LRRC7: variants seen among roughly 807,000 people sequenced by gnomAD.
The protein encoded by LRRC7 is leucine rich repeat containing 7.
In LRRC7, 23 loss-of-function variants were observed where a neutral mutation model predicts 175.7. That is an observed-to-expected ratio of 0.13 (90% CI 0.09 to 0.19). The LOEUF is 0.19. Ranked by LOEUF, LRRC7 falls within the 10% of genes least tolerant of loss-of-function variation. The pLI is 1.00. For synonymous variants in LRRC7, 685 were observed against 680.9 expected, an observed-to-expected ratio of 1.01 and a Z score of -0.09; for missense variants, 1,354 against 1,904.7, an observed-to-expected ratio of 0.71 and a Z score of 5.38.
chr1:70,111,023 G>A (rs1665492076), intron 26 of LRRC7, among the ~76,000 whole-genome samples: 1 of 152,048 alleles, frequency 6.6e-6, no homozygotes, highest in African/African-American at 2.4e-5. Flanking sequence ...AAGCTTAATG[G>A]CAATGTTCAA....
intron 1 of LRRC7, among the ~76,000 whole-genome samples, chr1:69,651,461 A>T (rs533448788): frequency 6.6e-6 from 1 of 152,334 alleles, no homozygotes; most frequent in Non-Finnish European, 1.5e-5. Flanking sequence ...AGTTATTTTT[A>T]AAAGCACTGG....
intron 2 of LRRC7, among the ~76,000 whole-genome samples, chr1:69,689,236 G>A (rs541601882): frequency 1.3e-5 from 2 of 152,248 alleles, no homozygotes; most frequent in Non-Finnish European, 2.9e-5. Flanking sequence ...TTAAACGACT[G>A]TTAGTCAGAT....
At chr1:70,116,016 A>T (rs1465654915) in intron 26 of LRRC7, among the ~76,000 whole-genome samples, 1 of 152,240 alleles carries the variant, frequency 6.6e-6, no homozygotes, top group Non-Finnish European at 1.5e-5. Context: ...AAATCAAGGT[A>T]GGAAATTTAT....
At chr1:69,861,975 C>T (rs1235664932) in intron 7 of LRRC7, among the ~76,000 whole-genome samples, 1 of 152,128 alleles carries the variant, frequency 6.6e-6, no homozygotes, top group Non-Finnish European at 1.5e-5. Flanking sequence ...GGTCAAATTA[C>T]TTATAATTGT....
At chr1:69,789,528 T>A (rs1405276421) in intron 3 of LRRC7, among the ~76,000 whole-genome samples, 1 of 152,082 alleles carries the variant, frequency 6.6e-6, no homozygotes, top group East Asian at 1.9e-4. Context: ...TTTAATTTCT[T>A]TGCCAATTTG....
At chr1:69,663,492 TTTAG>T (rs1231713546) in intron 1 of LRRC7, among the ~76,000 whole-genome samples, 2 of 152,088 alleles carry the variant, frequency 1.3e-5, no homozygotes, top group African/African-American at 4.8e-5. Flanking sequence ...CAATTATGCT[TTTAG>T]TTATTTTTTA....
intron 7 of LRRC7, among the ~76,000 whole-genome samples, chr1:69,876,442 T>TA (rs1686050486): frequency 6.6e-6 from 1 of 152,154 alleles, no homozygotes; most frequent in Non-Finnish European, 1.5e-5. Context: ...TTCATTGGCA[T>TA]AAAAAATACT....
intron 2 of LRRC7, among the ~76,000 whole-genome samples, chr1:69,697,239 T>C (rs1364746248): frequency 6.6e-6 from 1 of 152,232 alleles, no homozygotes; most frequent in Non-Finnish European, 1.5e-5. Flanking sequence ...CATGCCTCTT[T>C]CACACAACTG....
intron 1 of LRRC7, among the ~76,000 whole-genome samples, chr1:69,630,118 C>T (rs1466516088): frequency 6.6e-6 from 1 of 152,082 alleles, no homozygotes; most frequent in Non-Finnish European, 1.5e-5. Flanking sequence ...TGCATTTATC[C>T]ATATTTTCTG....
chr1:69,888,589 C>G (rs539832308), intron 7 of LRRC7, among the ~76,000 whole-genome samples: 2 of 152,278 alleles, frequency 1.3e-5, no homozygotes, highest in Admixed American at 6.5e-5. Flanking sequence ...GCGTCGCTCA[C>G]GCTGGGAGCT....
At chr1:69,998,102 T>C (rs1235818319) in intron 11 of LRRC7, among the ~76,000 whole-genome samples, 1 of 152,178 alleles carries the variant, frequency 6.6e-6, no homozygotes, top group Non-Finnish European at 1.5e-5. Context: ...AATTTGGTAT[T>C]CTCAAGAGGG....
intron 25 of LRRC7, among the ~76,000 whole-genome samples, chr1:70,097,344 A>G (rs1435779978): frequency 6.6e-6 from 1 of 152,214 alleles, no homozygotes; most frequent in Admixed American, 6.5e-5. Flanking sequence ...ATAAAACCAT[A>G]TTAAACCTAT....
At chr1:69,714,861 T>G (rs1159249704) in intron 2 of LRRC7, among the ~76,000 whole-genome samples, 1 of 152,190 alleles carries the variant, frequency 6.6e-6, no homozygotes, top group South Asian at 2.1e-4. Flanking sequence ...TATCTCACTT[T>G]AATAATGCAT....
At chr1:69,826,585 C>T (rs1428556793) in intron 5 of LRRC7, among the ~76,000 whole-genome samples, 1 of 152,016 alleles carries the variant, frequency 6.6e-6, no homozygotes, top group Non-Finnish European at 1.5e-5. Context: ...AGGCTCCTGA[C>T]AGTTGTAATA....
chr1:70,050,340 G>A (rs1295380689), intron 22 of LRRC7, among the ~76,000 whole-genome samples: 1 of 151,950 alleles, frequency 6.6e-6, no homozygotes, highest in East Asian at 1.9e-4. Context: ...TGTTCCACAA[G>A]ACTTCTACTC....
intron 17 of LRRC7, among the ~76,000 whole-genome samples, chr1:70,025,067 C>G (rs1370296394): frequency 5.3e-5 from 8 of 152,016 alleles, no homozygotes; most frequent in Non-Finnish European, 1.2e-4. Context: ...AGCATAAGCA[C>G]TGGAGTCAAA....
chr1:70,018,124 T>C (rs1427817903), intron 14 of LRRC7, among the ~76,000 whole-genome samples: 1 of 151,948 alleles, frequency 6.6e-6, no homozygotes, highest in Non-Finnish European at 1.5e-5. Flanking sequence ...ACTATCAGAG[T>C]TCTAGAATAT....
chr1:69,724,087 C>T (rs1666660305), intron 2 of LRRC7, among the ~76,000 whole-genome samples: 1 of 152,152 alleles, frequency 6.6e-6, no homozygotes, highest in Non-Finnish European at 1.5e-5. Flanking sequence ...AAATCTAGCA[C>T]TATCTTCTAT....
At chr1:69,722,898 T>G (rs1020934433) in intron 2 of LRRC7, among the ~76,000 whole-genome samples, 1 of 152,104 alleles carries the variant, frequency 6.6e-6, no homozygotes, top group Non-Finnish European at 1.5e-5. Context: ...ATATGTACAC[T>G]CTTTGTATGT....
Sources: allele counts gnomAD v4.1 joint callset (sites outside exome capture counted in the v4.1 genomes callset), GRCh38; gene constraint gnomAD v4.1.1; transcripts MANE v1.5; gene names NCBI Gene and HGNC (gene_info 2026-07-23, HGNC 2026-07-21).